The following ANKRD44 variants were observed in gnomAD, a reference collection of about 807,000 sequenced individuals.
ANKRD44 encodes the protein serine/threonine-protein phosphatase 6 regulatory ankyrin repeat subunit B.
A neutral mutation model predicts 116.0 loss-of-function variants in ANKRD44; 35 were observed. That is an observed-to-expected ratio of 0.30 (90% CI 0.23 to 0.40). ANKRD44 has a LOEUF of 0.40. Among genes scored for constraint, ANKRD44 ranks in the 10% least tolerant of loss-of-function variants. The pLI, the probability that ANKRD44 is intolerant of heterozygous loss-of-function variation, is 1.00. For missense variants in ANKRD44, 1,014 were observed against 1,242.6 expected (o/e 0.82, Z 2.77); for synonymous variants, 435 against 461.8 (o/e 0.94, Z 0.74).
In ANKRD44 at chr2:197,229,980, G is replaced by A. The variant is rs1189225505; in HGVS notation, c.28-42874C>T. On this transcript the variant is annotated intron_variant, in intron 1 of 27. Transcript: ENST00000282272. ...TGTCAAACATGTTGAAAATCACAAC[G>A]CACCCAGATCATCTAGGAAATAAAT... 7.6e-4 allele frequency among the ~76,000 whole-genome samples: 116 copies of A among 152,100 alleles called. 1 individual carries two copies. The highest frequency in any genetic ancestry group is 2.1e-4 in the South Asian group (1 of 4,818).
chr2:196,991,030 T>C, intron 27 of ANKRD44: 3 of 1,041,476 alleles, frequency 2.9e-6, no homozygotes, highest in East Asian at 3.2e-5. Flanking sequence ...CGGAGATGTA[T>C]GTTGAGTTAG....
chr2:197,121,613 C>T (rs1420088575), intron 7 of ANKRD44, 69 bp from the exon 8 acceptor site: 11 of 1,346,842 alleles, frequency 8.2e-6, no homozygotes, highest in Non-Finnish European at 1.0e-5. Context: ...CCACAAAAAG[C>T]ATAACGGCTG....
chr2:197,185,782 T>C (rs996889041), intron 2 of ANKRD44, among the ~76,000 whole-genome samples: 7 of 152,204 alleles, frequency 4.6e-5, no homozygotes, highest in African/African-American at 1.7e-4. Context: ...ATAGTGCACA[T>C]ATCTACTGCC....
intron 1 of ANKRD44, among the ~76,000 whole-genome samples, chr2:197,296,914 T>C (rs2083739953): frequency 6.6e-6 from 1 of 152,264 alleles, no homozygotes; most frequent in Admixed American, 6.5e-5. Flanking sequence ...AATTCGAGAC[T>C]TGAAATTTTA....
chr2:197,059,225 A>G (rs2077262508), intron 16 of ANKRD44, among the ~76,000 whole-genome samples: 1 of 152,204 alleles, frequency 6.6e-6, no homozygotes. Context: ...CAAAGCAGGT[A>G]ACAGATTTGA....
chr2:196,982,019 C>A (rs972075071), downstream of ANKRD44, among the ~76,000 whole-genome samples: 2 of 149,672 alleles, frequency 1.3e-5, no homozygotes, highest in Admixed American at 1.3e-4. Flanking sequence ...CCCTTCCTAA[C>A]CTCTAAATGC....
Position 197,147,015 on chromosome 2 carries a change from G to C in ANKRD44, c.190+12C>G, listed in dbSNP as rs1267129644. ...TATTTGCAATTGACTTTTGAGTATAGCAGTTATTTACCTGACAAAATCAGG... is the reference window on the plus strand; with the variant it reads ...TATTTGCAATTGACTTTTGAGTATACCAGTTATTTACCTGACAAAATCAGG... On this transcript the variant is annotated intron_variant, in intron 3 of 27. Coordinates refer to ENST00000282272, the MANE Select transcript of ANKRD44 (RefSeq NM_001195144.2). 6.2e-7 allele frequency: 1 copy of C among 1,611,236 alleles called. No homozygotes were observed. The highest frequency in any genetic ancestry group is 1.7e-5 in the Admixed American group (1 of 59,952).
At chr2:196,978,363 C>G (rs1230507659) in intron 21 of ANKRD44, among the ~76,000 whole-genome samples, 1 of 152,180 alleles carries the variant, frequency 6.6e-6, no homozygotes, top group Non-Finnish European at 1.5e-5. Context: ...TCCTGTACAG[C>G]CTGCAGAATC....
At chr2:197,072,157 C>G (rs2077575647) in intron 16 of ANKRD44, among the ~76,000 whole-genome samples, 1 of 151,586 alleles carries the variant, frequency 6.6e-6, no homozygotes, top group Admixed American at 6.6e-5. Context: ...GCCAGATTAA[C>G]TTATTTTTTT....
rs533368452 is a variant in ANKRD44, at chr2:197,135,260, G to C, written c.261+1332C>G. ...TTCTCAGCAAGACCTTTTGCTCCTA[G>C]GTGTACCTGGAGAACATCACCTTCT... On this transcript the variant is annotated intron_variant, in intron 4 of 27. Transcript: ENST00000282272. 3.3e-5 allele frequency: 5 copies of C among 152,300 alleles called. No homozygotes were observed. In the East Asian group the frequency reaches 9.6e-4, roughly 29 times the overall value. 9.4% of individuals were successfully genotyped at this position (152,300 alleles called of 1,614,324 possible). A position where few individuals can be genotyped will look rare whatever the true frequency, so the allele number is the denominator to read the frequency against.
At chr2:197,285,486 C>T (rs532134649) in intron 1 of ANKRD44, among the ~76,000 whole-genome samples, 8 of 152,188 alleles carry the variant, frequency 5.3e-5, no homozygotes, top group Non-Finnish European at 1.2e-4. Context: ...CTAGTTGACG[C>T]TGAAGCCTTA....
At chr2:197,112,740 AAAAAAGAAAGAAAG>A (rs2078618549) in intron 8 of ANKRD44, among the ~76,000 whole-genome samples, 2 of 151,834 alleles carry the variant, frequency 1.3e-5, no homozygotes, top group Non-Finnish European at 2.9e-5. Context: ...AGAAAAGAAA[AAAAAAGAAAGAAAG>A]AAAAAGAAAT....
chr2:197,086,111 A>C (rs1474217406), intron 13 of ANKRD44, among the ~76,000 whole-genome samples: 1 of 152,020 alleles, frequency 6.6e-6, no homozygotes, highest in Non-Finnish European at 1.5e-5. Flanking sequence ...CCAGAGAAGG[A>C]GGGTACATGT....
intron 1 of ANKRD44, among the ~76,000 whole-genome samples, chr2:197,262,052 A>G (rs992690125): frequency 6.6e-6 from 1 of 152,258 alleles, no homozygotes; most frequent in Non-Finnish European, 1.5e-5. Flanking sequence ...ATAAGAGTCT[A>G]TGAGAAACAG....
At chr2:197,139,138 T>C (rs555067019) in intron 3 of ANKRD44, among the ~76,000 whole-genome samples, 2 of 152,198 alleles carry the variant, frequency 1.3e-5, no homozygotes, top group South Asian at 4.1e-4. Flanking sequence ...TCTAGTAAAA[T>C]TGATGACATG....
chr2:196,983,188 TAAAAATA>T (rs1229917494), downstream of ANKRD44, among the ~76,000 whole-genome samples: 42 of 149,992 alleles, frequency 2.8e-4, no homozygotes, highest in African/African-American at 5.7e-4. Flanking sequence ...GAACTTAAAA[TAAAAATA>T]AAAAATAAAA....
At chr2:197,292,646 G>A (rs181030933) in intron 1 of ANKRD44, among the ~76,000 whole-genome samples, 7 of 152,142 alleles carry the variant, frequency 4.6e-5, no homozygotes, top group Admixed American at 6.5e-5. Flanking sequence ...AATACATAGC[G>A]TATAAAAATC....
At chr2:197,252,485 C>A (rs1457456495) in intron 1 of ANKRD44, among the ~76,000 whole-genome samples, 1 of 152,126 alleles carries the variant, frequency 6.6e-6, no homozygotes, top group Non-Finnish European at 1.5e-5. Flanking sequence ...CGGCTCACTG[C>A]AAGCTCCGCC....
chr2:197,236,713 CAAA>C (rs71012964), intron 1 of ANKRD44, among the ~76,000 whole-genome samples: 1 of 105,242 alleles, frequency 9.5e-6, no homozygotes, highest in Admixed American at 1.1e-4. Context: ...ACAAACTACT[CAAA>C]AAAAAAAAAA....
Sources: gnomAD v4.1 joint callset for allele counts (sites outside exome capture counted in the v4.1 genomes callset) on GRCh38, gnomAD v4.1.1 for gene constraint, MANE v1.5 for transcripts, NCBI Gene and HGNC (gene_info 2026-07-23, HGNC 2026-07-21) for gene names.